Variants in MTREX observed in about 807,000 individuals in gnomAD.
The protein encoded by MTREX is exosome RNA helicase MTR4.
A neutral mutation model predicts 135.4 loss-of-function variants in MTREX; 76 were observed. The ratio of observed to expected loss-of-function variants is 0.56; its 90% confidence interval spans 0.47 to 0.68. The LOEUF is 0.68. MTREX is among the 30% of genes least tolerant of loss of function. The pLI is 0.00. For synonymous variants in MTREX, 404 were observed against 401.6 expected, an observed-to-expected ratio of 1.01 and a Z score of -0.07; for missense variants, 920 against 1,262.1, an observed-to-expected ratio of 0.73 and a Z score of 4.11.
intron 14 of MTREX, among the ~76,000 whole-genome samples, chr5:55,355,829 G>C (rs1749902254): frequency 6.6e-6 from 1 of 152,214 alleles, no homozygotes; most frequent in Non-Finnish European, 1.5e-5. Flanking sequence ...GGATCAAGAT[G>C]CCTTGGAATG....
At chr5:55,359,549 T>C (rs1479192965) in intron 15 of MTREX, among the ~76,000 whole-genome samples, 1 of 100,778 alleles carries the variant, frequency 9.9e-6, no homozygotes, top group Non-Finnish European at 2.2e-5. Flanking sequence ...TATATCTTTA[T>C]ATGTCTTTAC....
chr5:55,358,774 T>G (rs1284183789), intron 15 of MTREX, 76 bp downstream of exon 15: 2 of 1,291,476 alleles, frequency 1.5e-6, no homozygotes, highest in South Asian at 1.5e-5. Flanking sequence ...GAATTGGTTG[T>G]GTCAGTCAGA....
chr5:55,416,521 A>G (rs1056004674), intron 25 of MTREX, among the ~76,000 whole-genome samples: 1 of 152,136 alleles, frequency 6.6e-6, no homozygotes, highest in African/African-American at 2.4e-5. Flanking sequence ...TTGCATATGT[A>G]ATTGACTTGG....
chr5:55,405,571 G>A lies in MTREX; in HGVS notation c.2628G>A (p.Val876=). 6.2e-7 allele frequency: 1 copy of A among 1,612,170 alleles called. No homozygotes were observed. Among genetic ancestry groups the A allele is most frequent in the South Asian group, 1.1e-5 (1 of 90,676 alleles). ...SSDVIEMKGR[V]ACEISSADEL... ...ATGTAATAGAGATGAAAGGACGAGT[G>A]GCTTGTGAGATAAGCAGGTAAAATC... is the stretch of plus-strand genomic sequence containing the variant. Residue 876 remains valine, a synonymous_variant, in exon 22 of 27, where the codon GTG becomes GTA. Transcript: ENST00000230640.
rs550403560 is a variant in MTREX at position 55,318,747 on chromosome 5, G to A, written c.135-3580G>A. ...TTACCTGCGTAGCAAACCTTCACAT[G>A]TACCCCAAACCTAAAATAAAAGTTT... On this transcript the variant is annotated intron_variant, in intron 1 of 26. Coordinates refer to ENST00000230640, the MANE Select transcript of MTREX (RefSeq NM_015360.5). Among the ~76,000 whole-genome samples the A allele has an allele frequency of 3.9e-5, 6 of 152,120 alleles. 1 individual carries two copies. In the South Asian group the frequency reaches 6.2e-4, roughly 16 times the overall value.
chr5:55,366,282 A>T (rs1750102107), intron 15 of MTREX, among the ~76,000 whole-genome samples: 1 of 152,182 alleles, frequency 6.6e-6, no homozygotes, highest in African/African-American at 2.4e-5. Context: ...CCAACCCAGG[A>T]GTTCAAGACC....
rs1007282003 is a variant in MTREX, at chr5:55,344,566, A to G, written c.951A>G (p.Gln317=). The change falls in exon 9 of 27, where the codon CAA becomes CAG. Residue 317 remains glutamine (Q), a synonymous_variant. Transcript: ENST00000230640. ...IYTDYRPTPL[Q]HYIFPAGGDG... is the part of the protein sequence containing the mutation. ...CAGATTATCGGCCCACTCCATTGCAACACTACATTTTTCCAGCAGGGGGAG... is the reference window on the plus strand; with the variant it reads ...CAGATTATCGGCCCACTCCATTGCAGCACTACATTTTTCCAGCAGGGGGAG... The G allele has an allele frequency of 1.2e-6, 2 of 1,612,522 alleles. No individual in the cohort carries two copies. Among genetic ancestry groups the G allele is most frequent in the Non-Finnish European group, 1.7e-6 (2 of 1,178,992 alleles).
chr5:55,324,274 C>A, intron 3 of MTREX, 76 bp downstream of exon 3: 1 of 1,024,044 alleles, frequency 9.8e-7, no homozygotes, highest in Non-Finnish European at 1.5e-6. Context: ...TGATGATCAG[C>A]AAACAGTTTA....
Position 55,402,852 on chromosome 5 carries a change from A to ATG in MTREX, c.2481+2451_2481+2452dup, listed in dbSNP as rs767239762. On this transcript the variant is annotated intron_variant, in intron 21 of 26. Coordinates refer to ENST00000230640, the MANE Select transcript of MTREX (RefSeq NM_015360.5). ...TGTGTGTGTGTGTGTATGTGTATGTATGTGTGTGTGTGTGTGTGTGTATAT... is the reference window on the plus strand; with the variant it reads ...TGTGTGTGTGTGTGTATGTGTATGTATGTGTGTGTGTGTGTGTGTGTGTATAT... Among the ~76,000 whole-genome samples, 522 of 114,508 alleles carry ATG rather than the reference A, an allele frequency of 4.6e-3. 4 individuals are homozygous for ATG. The highest frequency in any genetic ancestry group is 0.015 in the African/African-American group (480 of 31,950). The allele number at this position is 114,508 out of a possible 152,430, so 75.1% of individuals were successfully genotyped here. A position where few individuals can be genotyped will look rare whatever the true frequency, so the allele number is the denominator to read the frequency against.
rs575656195 is a variant in MTREX, at chr5:55,377,300, C to G, written c.1811-1014C>G. ...CGAGATCACGCCACTGCACTCTAGC[C>G]TGGGCGACAGAGCGAGACTCCGTCT... On this transcript the variant is annotated intron_variant, in intron 16 of 26. Coordinates refer to ENST00000230640, the MANE Select transcript of MTREX (RefSeq NM_015360.5). Among the ~76,000 whole-genome samples the G allele has an allele frequency of 5.9e-5, 9 of 152,176 alleles. No homozygotes were observed. In the South Asian group the frequency reaches 1.9e-3, roughly 32 times the overall value.
Position 55,350,930 on chromosome 5 carries a change from A to G in MTREX, c.1332A>G (p.Val444=), listed in dbSNP as rs766117518. The G allele has an allele frequency of 1.2e-6, 2 of 1,600,550 alleles. No homozygotes were observed. The highest frequency in any genetic ancestry group is 1.7e-6 in the Non-Finnish European group (2 of 1,175,428). ...TTCCAAAATCACAGGTAGAACATGT[A>G]CTTCCTCTTTTGAAGAGGGGAATTG... ...EDKKLPQVEH[V]LPLLKRGIGI... is the part of the protein sequence containing the mutation. The change falls in exon 13 of 27, where the codon GTA becomes GTG. Residue 444 remains valine (V), a synonymous_variant. Transcript: ENST00000230640.
intron 6 of MTREX, among the ~76,000 whole-genome samples, 185 bp from the exon 7 acceptor site, chr5:55,341,496 T>A (rs1023321747): frequency 6.6e-6 from 1 of 152,186 alleles, no homozygotes; most frequent in South Asian, 2.1e-4. Context: ...TACAACAATG[T>A]AATATTGAAT....
chr5:55,388,529 GTAATA>G (rs1750517031), intron 19 of MTREX, among the ~76,000 whole-genome samples: 1 of 152,118 alleles, frequency 6.6e-6, no homozygotes, highest in Non-Finnish European at 1.5e-5. Flanking sequence ...TAGTGCAAAA[GTAATA>G]CATTAATGAG....
At chr5:55,362,007 C>G (rs984047349) in intron 15 of MTREX, among the ~76,000 whole-genome samples, 4 of 151,600 alleles carry the variant, frequency 2.6e-5, no homozygotes, top group African/African-American at 7.3e-5. Context: ...ACCTTGACCT[C>G]CAGGGCTCAA....
intron 18 of MTREX, among the ~76,000 whole-genome samples, chr5:55,380,294 G>A (rs145901736): frequency 2.6e-5 from 4 of 152,048 alleles, no homozygotes; most frequent in East Asian, 1.9e-4. Context: ...CAATTTTCCC[G>A]GTTAGGGTGT....
At chr5:55,345,223 AT>A in intron 10 of MTREX, 27 bp downstream of exon 10, 1 of 1,403,382 alleles carries the variant, frequency 7.1e-7, no homozygotes, top group Non-Finnish European at 1.0e-6. Flanking sequence ...CTTTGAGAGA[AT>A]TTTACATGTA....
At chr5:55,408,657 A>G (rs1561211548) in intron 22 of MTREX, among the ~76,000 whole-genome samples, 1 of 152,166 alleles carries the variant, frequency 6.6e-6, no homozygotes, top group Non-Finnish European at 1.5e-5. Flanking sequence ...AACCCTGATT[A>G]TAGAAGTCTA....
At chr5:55,420,147 A>AGCCTAAGCTGGGGTTTAGCG (rs138278654) in intron 25 of MTREX, among the ~76,000 whole-genome samples, 6,205 of 152,234 alleles carry the variant, frequency 0.041, 185 homozygotes, top group Non-Finnish European at 0.055. Context: ...GAAAGGGTTC[A>AGCCTAAGCTGGGGTTTAGCG]GCCTAAGCTG....
intron 20 of MTREX, among the ~76,000 whole-genome samples, chr5:55,399,644 C>T (rs1389293147): frequency 6.6e-6 from 1 of 152,040 alleles, no homozygotes; most frequent in African/African-American, 2.4e-5. Context: ...CCCACCACCA[C>T]GCCTGGCTAA....
Sources: gnomAD v4.1 joint callset for allele counts (sites outside exome capture counted in the v4.1 genomes callset) on GRCh38, gnomAD v4.1.1 for gene constraint, MANE v1.5 for transcripts, NCBI Gene and HGNC (gene_info 2026-07-23, HGNC 2026-07-21) for gene names.